ARK2C: variants seen among roughly 807,000 people sequenced by gnomAD.
ARK2C encodes arkadia (RNF111) C-terminal like ring finger ubiquitin ligase 2C, also known as E3 ubiquitin-protein ligase ARK2C.
the ARK2C span, among the ~76,000 whole-genome samples, chr18:46,391,401 G>A: frequency 3.3e-5 from 5 of 152,048 alleles, no homozygotes; most frequent in African/African-American, 1.2e-4. Flanking sequence ...GGCCTAGTAC[G>A]GGGCTGGGCT....
the ARK2C span, chr18:46,334,601 G>T: frequency 2.1e-6 from 1 of 487,106 alleles, no homozygotes; most frequent in East Asian, 3.5e-5. This position sits in a 1 kb window ranked among gnomAD's most constrained non-coding sequence, Gnocchi z 4.4. Context: ...GGCGGACGTG[G>T]TTCCCCCAAA....
At chr18:46,413,055 G>A in the ARK2C span, among the ~76,000 whole-genome samples, 1 of 152,252 alleles carries the variant, frequency 6.6e-6, no homozygotes, top group South Asian at 2.1e-4. Flanking sequence ...TTAGCCGGGG[G>A]ATGGGGGAGC....
chr18:46,447,591 C>A, the ARK2C span: 2 of 1,614,108 alleles, frequency 1.2e-6, no homozygotes, highest in East Asian at 2.2e-5. Flanking sequence ...TGGCTTGAGT[C>A]CTGCTCAGTT....
the ARK2C span, among the ~76,000 whole-genome samples, chr18:46,353,929 A>G: frequency 6.6e-6 from 1 of 152,056 alleles, no homozygotes; most frequent in Non-Finnish European, 1.5e-5. Context: ...TAAGGGTTTT[A>G]TTGGAAGCCT....
the ARK2C span, among the ~76,000 whole-genome samples, chr18:46,448,343 C>T: frequency 6.6e-6 from 1 of 152,166 alleles, no homozygotes; most frequent in Non-Finnish European, 1.5e-5. Flanking sequence ...TTCGCAGCTC[C>T]TATTCACACT....
the ARK2C span, among the ~76,000 whole-genome samples, chr18:46,440,442 A>G: frequency 6.6e-6 from 1 of 152,242 alleles, no homozygotes; most frequent in Non-Finnish European, 1.5e-5. Flanking sequence ...AACATAGTAT[A>G]TATAGGATTC....
At chr18:46,444,425 C>T in the ARK2C span, among the ~76,000 whole-genome samples, 3 of 151,972 alleles carry the variant, frequency 2.0e-5, no homozygotes, top group Non-Finnish European at 4.4e-5. Context: ...TACTGAGACT[C>T]TGTTAATTTT....
At chr18:46,337,221 A>AAAAAG in the ARK2C span, 4 of 985,292 alleles carry the variant, frequency 4.1e-6, no homozygotes, top group African/African-American at 3.5e-5. Context: ...AAGAAAGAGA[A>AAAAAG]AAAAGAAAAG....
the ARK2C span, among the ~76,000 whole-genome samples, chr18:46,365,046 T>C: frequency 0.019 from 2,950 of 152,328 alleles, 102 homozygotes; most frequent in African/African-American, 0.068. Context: ...CCCTTTCTTC[T>C]AATGCCCTAT....
the ARK2C span, among the ~76,000 whole-genome samples, chr18:46,438,357 C>T: frequency 6.6e-6 from 1 of 152,238 alleles, no homozygotes. Flanking sequence ...TGGGGTAGCC[C>T]AGATCCATCA....
At chr18:46,387,991 T>C in the ARK2C span, among the ~76,000 whole-genome samples, 69 of 152,296 alleles carry the variant, frequency 4.5e-4, no homozygotes, top group African/African-American at 1.5e-3. Flanking sequence ...AGGCTGGGGA[T>C]TTCCAAGATT....
At chr18:46,440,648 TTAA>T in the ARK2C span, among the ~76,000 whole-genome samples, 2 of 152,206 alleles carry the variant, frequency 1.3e-5, no homozygotes, top group African/African-American at 2.4e-5. Flanking sequence ...ACAAAGAAAT[TTAA>T]TAATAATTTT....
the ARK2C span, among the ~76,000 whole-genome samples, chr18:46,379,807 C>G: frequency 1.8e-4 from 27 of 152,222 alleles, no homozygotes; most frequent in East Asian, 9.6e-4. Flanking sequence ...TTTCAGGGCC[C>G]GTTCAAGAGA....
chr18:46,381,691 C>T, the ARK2C span, among the ~76,000 whole-genome samples: 5 of 152,000 alleles, frequency 3.3e-5, no homozygotes, highest in African/African-American at 1.2e-4. Context: ...ATTAGCTAGG[C>T]GTAATAGCAA....
At chr18:46,345,400 G>A in the ARK2C span, among the ~76,000 whole-genome samples, 3 of 152,316 alleles carry the variant, frequency 2.0e-5, no homozygotes, top group South Asian at 2.1e-4. Flanking sequence ...CCATCCTGAA[G>A]GTCCCTGACA....
the ARK2C span, chr18:46,457,186 A>G: frequency 1.3e-5 from 2 of 152,490 alleles, no homozygotes; most frequent in African/African-American, 2.4e-5. Flanking sequence ...GACCGAACCA[A>G]CGACAGCCCC....
the ARK2C span, chr18:46,456,724 C>A: frequency 1.1e-6 from 1 of 906,806 alleles, no homozygotes; most frequent in Non-Finnish European, 1.8e-6. Flanking sequence ...CCTTCTGAGC[C>A]ATTTGACGTA....
the ARK2C span, chr18:46,435,342 A>ACTT: frequency 6.2e-7 from 1 of 1,614,084 alleles, no homozygotes. Flanking sequence ...CCCAGCTTCG[A>ACTT]CTTCGGCCAA....
the ARK2C span, among the ~76,000 whole-genome samples, chr18:46,410,373 C>T: frequency 6.6e-6 from 1 of 152,202 alleles, no homozygotes; most frequent in South Asian, 2.1e-4. Flanking sequence ...ATCATTCCAG[C>T]TTCTGTGTAC....
Sources: allele counts gnomAD v4.1 joint callset (sites outside exome capture counted in the v4.1 genomes callset), GRCh38; gene constraint gnomAD v4.1.1; non-coding constraint Gnocchi (gnomAD v3.1); transcripts MANE v1.5; gene names NCBI Gene and HGNC (gene_info 2026-07-23, HGNC 2026-07-21).